TDRD3: variants seen among roughly 807,000 people sequenced by gnomAD.
TDRD3 encodes tudor domain-containing protein 3.
Under a neutral mutation model 86.7 loss-of-function variants are expected in TDRD3, and 45 were observed. The ratio of observed to expected loss-of-function variants is 0.52; its 90% CI spans 0.41 to 0.67. The LOEUF (loss-of-function observed/expected upper bound fraction) is 0.67. Ranked by LOEUF, TDRD3 falls within the 30% of genes least tolerant of loss-of-function variation. The probability of loss-of-function intolerance (pLI) is 0.00; values close to 1 mark genes in which losing one functional copy is unlikely to be tolerated. For synonymous variants in TDRD3, 298 were observed against 301.7 expected, an observed-to-expected ratio of 0.99 and a Z score of 0.13; for missense variants, 814 against 889.0, an observed-to-expected ratio of 0.92 and a Z score of 1.07.
chr13:60,447,847 C>T (rs1022339741), intron 3 of TDRD3, among the ~76,000 whole-genome samples: 2 of 152,104 alleles, frequency 1.3e-5, no homozygotes, highest in African/African-American at 2.4e-5. Context: ...TAAAAAGCAA[C>T]ATGTTGCGGG....
intron 8 of TDRD3, among the ~76,000 whole-genome samples, chr13:60,498,711 A>G (rs1373411396): frequency 2.6e-5 from 4 of 152,130 alleles, no homozygotes; most frequent in Admixed American, 6.5e-5. Context: ...TTATGCAGTG[A>G]GTCTTTCTTC....
chr13:60,488,743 C>T (rs1956509977), intron 7 of TDRD3, among the ~76,000 whole-genome samples: 1 of 151,514 alleles, frequency 6.6e-6, no homozygotes, highest in Non-Finnish European at 1.5e-5. Flanking sequence ...CTGGCTAATT[C>T]TTTTTTTGTA....
intron 2 of TDRD3, 109 bp downstream of exon 2, chr13:60,439,881 CTTA>C: frequency 1.6e-6 from 1 of 635,774 alleles, no homozygotes. Context: ...GAACATCTTT[CTTA>C]TTTTGTCCAT....
At chr13:60,492,741 G>A (rs1331334078) in intron 7 of TDRD3, among the ~76,000 whole-genome samples, 5 of 151,884 alleles carry the variant, frequency 3.3e-5, no homozygotes, top group African/African-American at 1.2e-4. Context: ...TGAATCCTTG[G>A]TAATTGAAGA....
chr13:60,423,300 T>C (rs1954710836), intron 1 of TDRD3, among the ~76,000 whole-genome samples: 1 of 152,202 alleles, frequency 6.6e-6, no homozygotes, highest in Non-Finnish European at 1.5e-5. Flanking sequence ...TTCAGGAGTT[T>C]GCAGGGACAC....
At chr13:60,455,236 T>G (rs1955639605) in intron 3 of TDRD3, among the ~76,000 whole-genome samples, 1 of 152,122 alleles carries the variant, frequency 6.6e-6, no homozygotes, top group Non-Finnish European at 1.5e-5. Context: ...TAAAGTCAAA[T>G]TGTGTTGAAA....
At chr13:60,460,960 GC>G (rs1955790377) in intron 4 of TDRD3, 1 of 152,222 alleles carries the variant, frequency 6.6e-6, no homozygotes, top group South Asian at 2.1e-4. Flanking sequence ...CTGAGATCAT[GC>G]CATTGCACTT....
At chr13:60,484,126 T>C (rs911549077) in intron 6 of TDRD3, among the ~76,000 whole-genome samples, 15 of 152,002 alleles carry the variant, frequency 9.9e-5, no homozygotes, top group African/African-American at 3.6e-4. Flanking sequence ...GGGTTTTTTT[T>C]TGAGGGAAAT....
intron 1 of TDRD3, among the ~76,000 whole-genome samples, chr13:60,437,715 C>G (rs1813052334): frequency 6.6e-6 from 1 of 151,798 alleles, no homozygotes; most frequent in African/African-American, 2.4e-5. Context: ...ACAAAATATT[C>G]TATTAGTCAT....
intron 12 of TDRD3, among the ~76,000 whole-genome samples, chr13:60,551,763 G>A (rs1000495417): frequency 1.4e-4 from 21 of 152,124 alleles, no homozygotes; most frequent in Non-Finnish European, 2.8e-4. Context: ...CATAGCTGGA[G>A]AGGCCTCAGG....
chr13:60,439,416 T>C (rs1955201095), intron 1 of TDRD3, among the ~76,000 whole-genome samples: 1 of 152,184 alleles, frequency 6.6e-6, no homozygotes, highest in African/African-American at 2.4e-5. Context: ...TATACATCCC[T>C]TAAGTATATT....
intron 10 of TDRD3, among the ~76,000 whole-genome samples, chr13:60,522,683 C>A (rs143429722): frequency 4.9e-4 from 74 of 152,284 alleles, no homozygotes; most frequent in African/African-American, 9.1e-4. Flanking sequence ...ATCCAATTTT[C>A]AATAGAAGTT....
intron 1 of TDRD3, among the ~76,000 whole-genome samples, chr13:60,411,570 A>G (rs1954368639): frequency 6.6e-6 from 1 of 152,206 alleles, no homozygotes; most frequent in African/African-American, 2.4e-5. Context: ...GATGTAAGAG[A>G]AGCCTGGAGA....
intron 4 of TDRD3, among the ~76,000 whole-genome samples, chr13:60,461,907 C>T (rs1480170249): frequency 6.6e-6 from 1 of 152,106 alleles, no homozygotes; most frequent in Non-Finnish European, 1.5e-5. Context: ...TGAGAAGTTA[C>T]ATTTGGTGGA....
At chr13:60,506,279 C>A (rs974300658) in intron 8 of TDRD3, among the ~76,000 whole-genome samples, 4 of 152,058 alleles carry the variant, frequency 2.6e-5, no homozygotes, top group African/African-American at 9.7e-5. Flanking sequence ...GATTTTCATA[C>A]CAGCCAAACT....
intron 1 of TDRD3, among the ~76,000 whole-genome samples, chr13:60,412,176 T>A (rs919271794): frequency 2.0e-5 from 3 of 152,228 alleles, no homozygotes; most frequent in African/African-American, 7.2e-5. Context: ...TATCCAATCA[T>A]GTGACAGTAA....
At chr13:60,439,139 A>G (rs563316495) in intron 1 of TDRD3, among the ~76,000 whole-genome samples, 1 of 152,196 alleles carries the variant, frequency 6.6e-6, no homozygotes, top group Non-Finnish European at 1.5e-5. Context: ...TAGGAAAAGT[A>G]AAAGATGTAT....
intron 2 of TDRD3, 71 bp from the exon 3 acceptor site, chr13:60,444,612 T>C: frequency 1.1e-6 from 1 of 896,474 alleles, no homozygotes; most frequent in East Asian, 3.0e-5. Flanking sequence ...ATTTCATCTT[T>C]TGTTCATGAG....
At position 60,449,685 on chromosome 13, in the gene TDRD3, C is replaced by A. The variant is rs73208063; in HGVS notation, c.192+4937C>A. Among the ~76,000 whole-genome samples, 884 of 152,112 alleles carry A rather than the reference C, an allele frequency of 5.8e-3. 10 individuals carry two copies. Among genetic ancestry groups the A allele is most frequent in the Non-Finnish European group, 9.1e-3 (621 of 67,942 alleles). On this transcript the variant is annotated intron_variant, in intron 3 of 13. Coordinates refer to ENST00000377881, the MANE Select transcript of TDRD3 (RefSeq NM_001146070.2). ...AAAAACCTATTCAAGATTATGTTGT[C>A]AATTTCTTAATTATAAGGAATTTAT... is the stretch of plus-strand genomic sequence containing the variant.
Sources: allele counts gnomAD v4.1 joint callset (sites outside exome capture counted in the v4.1 genomes callset), GRCh38; gene constraint gnomAD v4.1.1; transcripts MANE v1.5; gene names NCBI Gene and HGNC (gene_info 2026-07-23, HGNC 2026-07-21).